MAML2: variants seen among roughly 807,000 people sequenced by gnomAD.
MAML2 encodes the protein mastermind like transcriptional coactivator 2.
In MAML2, 22 loss-of-function variants were observed where a neutral mutation model predicts 96.1. That is an observed-to-expected ratio of 0.23 (90% CI 0.16 to 0.33). MAML2 has a LOEUF of 0.33. MAML2 is among the 10% of genes least tolerant of loss of function. The pLI is 1.00. For synonymous variants in MAML2, 561 were observed against 521.3 expected, an observed-to-expected ratio of 1.08 and a Z score of -1.04; for missense variants, 1,367 against 1,392.4, an observed-to-expected ratio of 0.98 and a Z score of 0.29.
chr11:95,987,021 T>G (rs1387214796), intron 3 of MAML2, among the ~76,000 whole-genome samples: 1 of 152,200 alleles, frequency 6.6e-6, no homozygotes, highest in Non-Finnish European at 1.5e-5. Flanking sequence ...ACAGGGTGTC[T>G]CAGTAGGAGA....
At chr11:96,066,885 C>A (rs533940969) in intron 2 of MAML2, among the ~76,000 whole-genome samples, 55 of 152,276 alleles carry the variant, frequency 3.6e-4, no homozygotes, top group South Asian at 1.2e-3. Context: ...AAGGAAAGAG[C>A]AAAGACTCTG....
At chr11:96,233,975 C>T (rs994559992) in intron 1 of MAML2, among the ~76,000 whole-genome samples, 4 of 152,196 alleles carry the variant, frequency 2.6e-5, no homozygotes, top group African/African-American at 9.7e-5. Flanking sequence ...CATTTCTTGC[C>T]TCAGTCAGCA....
chr11:96,290,665 T>G (rs1863196294), intron 1 of MAML2, among the ~76,000 whole-genome samples: 1 of 152,184 alleles, frequency 6.6e-6, no homozygotes, highest in Non-Finnish European at 1.5e-5. Context: ...ATATTCCCCT[T>G]TGAAGTACCA....
At chr11:96,201,144 C>G (rs1453016664) in intron 1 of MAML2, among the ~76,000 whole-genome samples, 1 of 152,062 alleles carries the variant, frequency 6.6e-6, no homozygotes, top group African/African-American at 2.4e-5. Flanking sequence ...TTAGGTAGTT[C>G]CATATAACTA....
intron 1 of MAML2, among the ~76,000 whole-genome samples, chr11:96,255,572 T>C (rs1862652885): frequency 6.6e-6 from 1 of 152,224 alleles, no homozygotes; most frequent in Non-Finnish European, 1.5e-5. Flanking sequence ...TGTTCTGGCC[T>C]ATGACACCCA....
chr11:96,323,108 T>TAAAAA (rs11402930), intron 1 of MAML2, among the ~76,000 whole-genome samples: 1 of 145,550 alleles, frequency 6.9e-6, no homozygotes, highest in African/African-American at 2.5e-5. Flanking sequence ...GCTACTGGTT[T>TAAAAA]AAAAAAAAAA....
At chr11:96,265,132 A>G (rs1862808740) in intron 1 of MAML2, among the ~76,000 whole-genome samples, 1 of 152,242 alleles carries the variant, frequency 6.6e-6, no homozygotes, top group Admixed American at 6.5e-5. Context: ...TGGTAGAGAC[A>G]GCTAGAGGAC....
intron 2 of MAML2, among the ~76,000 whole-genome samples, chr11:96,085,355 T>C: frequency 6.6e-6 from 1 of 152,202 alleles, no homozygotes; most frequent in East Asian, 1.9e-4. Flanking sequence ...TGCCTAACTT[T>C]AATTAACCAT....
chr11:96,206,465 T>C (rs192232351), intron 1 of MAML2, among the ~76,000 whole-genome samples: 13 of 152,222 alleles, frequency 8.5e-5, no homozygotes, highest in African/African-American at 1.4e-4. Context: ...CCAGGCATGG[T>C]TGTGTACCTG....
chr11:96,315,144 T>C (rs954116775), intron 1 of MAML2, among the ~76,000 whole-genome samples: 9 of 152,170 alleles, frequency 5.9e-5, no homozygotes, highest in African/African-American at 2.2e-4. Flanking sequence ...CCATCAGACA[T>C]ATTTTGCCTT....
chr11:96,076,363 A>G (rs1859434741), intron 2 of MAML2, among the ~76,000 whole-genome samples: 1 of 151,946 alleles, frequency 6.6e-6, no homozygotes, highest in African/African-American at 2.4e-5. Flanking sequence ...TGAAATTTAA[A>G]ATTGATTCCA....
chr11:96,127,314 A>G (rs74631411), intron 1 of MAML2, among the ~76,000 whole-genome samples: 1,639 of 152,274 alleles, frequency 0.011, 34 homozygotes, highest in African/African-American at 0.037. Context: ...ATGGTCCACT[A>G]TTGTTAGATT....
At chr11:96,081,762 T>A (rs1480365083) in intron 2 of MAML2, among the ~76,000 whole-genome samples, 3 of 152,192 alleles carry the variant, frequency 2.0e-5, no homozygotes, top group African/African-American at 7.2e-5. Context: ...CATGGAAAAT[T>A]TTCAACAATC....
chr11:96,024,386 A>T (rs1473973899), intron 2 of MAML2, among the ~76,000 whole-genome samples: 2 of 152,252 alleles, frequency 1.3e-5, no homozygotes, highest in African/African-American at 4.8e-5. Flanking sequence ...CGGGGATACA[A>T]TAAGGCTTAA....
intron 2 of MAML2, among the ~76,000 whole-genome samples, chr11:96,034,008 A>G (rs541192691): frequency 2.0e-5 from 3 of 152,084 alleles, no homozygotes; most frequent in Non-Finnish European, 4.4e-5. Flanking sequence ...CTTTCCTATT[A>G]TTTTTATCCC....
At chr11:96,031,113 T>A (rs1443890398) in intron 2 of MAML2, among the ~76,000 whole-genome samples, 1 of 152,248 alleles carries the variant, frequency 6.6e-6, no homozygotes, top group East Asian at 1.9e-4. Flanking sequence ...TTCCTAGGGT[T>A]ACTGTAAGAA....
intron 1 of MAML2, among the ~76,000 whole-genome samples, chr11:96,315,552 T>G (rs764702267): frequency 6.6e-6 from 1 of 152,236 alleles, no homozygotes; most frequent in Non-Finnish European, 1.5e-5. Context: ...TCCAGACTCC[T>G]GTTTTTTTCA....
At chr11:96,042,388 C>T (rs535122499) in intron 2 of MAML2, among the ~76,000 whole-genome samples, 2 of 152,192 alleles carry the variant, frequency 1.3e-5, no homozygotes, top group South Asian at 2.1e-4. Context: ...TCCCAAAGTG[C>T]TGGATTACAG....
intron 1 of MAML2, among the ~76,000 whole-genome samples, chr11:96,143,949 C>T (rs1050354332): frequency 6.6e-6 from 1 of 152,210 alleles, no homozygotes; most frequent in African/African-American, 2.4e-5. Context: ...TCAAACACCT[C>T]ACTGCAGTGT....
Sources: gnomAD v4.1 joint callset for allele counts (sites outside exome capture counted in the v4.1 genomes callset) on GRCh38, gnomAD v4.1.1 for gene constraint, MANE v1.5 for transcripts, NCBI Gene and HGNC (gene_info 2026-07-23, HGNC 2026-07-21) for gene names.